Variants in FRMD3 observed in about 807,000 individuals in gnomAD.
FRMD3 encodes FERM domain-containing protein 3.
Under a neutral mutation model 70.2 loss-of-function variants are expected in FRMD3, and 33 were observed. The ratio of observed to expected loss-of-function variants is 0.47; its 90% confidence interval spans 0.36 to 0.63. FRMD3 has a LOEUF of 0.63. Ranked by LOEUF, FRMD3 falls within the 20% of genes least tolerant of loss-of-function variation. FRMD3 has a pLI of 0.00. For synonymous variants in FRMD3, 279 were observed against 255.9 expected (o/e 1.09, Z -0.86); for missense variants, 632 against 711.4 (o/e 0.89, Z 1.27).
the FRMD3 span, among the ~76,000 whole-genome samples, chr9:83,578,761 C>T: frequency 7.9e-5 from 12 of 151,868 alleles, no homozygotes; most frequent in Non-Finnish European, 1.6e-4. Flanking sequence ...TCAGGGACAA[C>T]ACAGGGATGC....
chr9:83,316,666 G>A (rs1323959246), intron 6 of FRMD3, among the ~76,000 whole-genome samples: 2 of 152,070 alleles, frequency 1.3e-5, no homozygotes, highest in African/African-American at 2.4e-5. Context: ...GGGCACTTTC[G>A]ATCCAGCAAT....
intron 1 of FRMD3, among the ~76,000 whole-genome samples, chr9:83,530,262 A>C (rs1268426284): frequency 1.3e-5 from 2 of 152,212 alleles, no homozygotes; most frequent in Admixed American, 6.5e-5. Context: ...GGATCAACAA[A>C]ATGTGATATA....
intron 12 of FRMD3, 133 bp downstream of exon 12, chr9:83,298,615 C>G: frequency 1.4e-6 from 1 of 693,376 alleles, no homozygotes. Flanking sequence ...GCAAATCTGT[C>G]TGAGTGAGAT....
chr9:83,450,198 T>TGC (rs778230918), intron 1 of FRMD3, among the ~76,000 whole-genome samples: 74 of 136,424 alleles, frequency 5.4e-4, no homozygotes, highest in Admixed American at 5.9e-4. Flanking sequence ...TGTGTGTGTG[T>TGC]GCACCCGTGC....
intron 1 of FRMD3, among the ~76,000 whole-genome samples, chr9:83,447,052 C>G (rs1206456436): frequency 6.6e-6 from 1 of 151,372 alleles, no homozygotes; most frequent in Non-Finnish European, 1.5e-5. Flanking sequence ...GAGACAGAGT[C>G]TTGCCTTGTC....
At chr9:83,400,754 A>G (rs555721289) in intron 1 of FRMD3, among the ~76,000 whole-genome samples, 1 of 152,368 alleles carries the variant, frequency 6.6e-6, no homozygotes, top group African/African-American at 2.4e-5. Flanking sequence ...CTGATTTCTG[A>G]CAAAAAGTCC....
intron 2 of FRMD3, among the ~76,000 whole-genome samples, chr9:83,378,612 A>G (rs1340074551): frequency 7.6e-6 from 1 of 132,170 alleles, no homozygotes; most frequent in Non-Finnish European, 1.6e-5. Context: ...TAAAATTTAT[A>G]TATATTATAC....
chr9:83,340,607 A>C (rs1219484058), intron 5 of FRMD3, among the ~76,000 whole-genome samples: 3 of 152,260 alleles, frequency 2.0e-5, no homozygotes, highest in Non-Finnish European at 4.4e-5. Flanking sequence ...TAAAAGGAAC[A>C]GGAAAGATAT....
intron 13 of FRMD3, among the ~76,000 whole-genome samples, chr9:83,269,149 C>T (rs1334615111): frequency 6.6e-6 from 1 of 152,188 alleles, no homozygotes; most frequent in African/African-American, 2.4e-5. Context: ...TTAACCGGGG[C>T]TCATTTGCAT....
chr9:83,355,560 T>C (rs948077356), intron 3 of FRMD3, among the ~76,000 whole-genome samples: 2 of 152,204 alleles, frequency 1.3e-5, no homozygotes, highest in Admixed American at 1.3e-4. Flanking sequence ...TAATTTCTCT[T>C]TCCTGCTCTG....
At chr9:83,512,969 G>A (rs1419823001) in intron 1 of FRMD3, among the ~76,000 whole-genome samples, 1 of 152,158 alleles carries the variant, frequency 6.6e-6, no homozygotes, top group Non-Finnish European at 1.5e-5. Flanking sequence ...GAAATAAAAT[G>A]ACACGATGAA....
chr9:83,326,921 A>G (rs1313461316), intron 6 of FRMD3, among the ~76,000 whole-genome samples: 1 of 152,200 alleles, frequency 6.6e-6, no homozygotes. Context: ...AGTTTTGAGT[A>G]CTTTTAGACA....
intron 1 of FRMD3, among the ~76,000 whole-genome samples, chr9:83,415,126 G>A (rs542705182): frequency 6.6e-6 from 1 of 152,308 alleles, no homozygotes; most frequent in Admixed American, 6.5e-5. Flanking sequence ...TCAGCCTGAG[G>A]CAACCTCACA....
chr9:83,518,152 G>A lies in FRMD3; in HGVS notation c.147+19933C>T, dbSNP rs560110790. On this transcript the variant is annotated intron_variant, in intron 1 of 13. Transcript: ENST00000304195. ...AGTTCTGGCCAGGGCAATCAGGCAA[G>A]AGAAAGAAATAAAGCATGTTCAAAT... Among the ~76,000 whole-genome samples the A allele has an allele frequency of 3.3e-5, 5 of 152,310 alleles. No individual in the cohort carries two copies. In the East Asian group the frequency reaches 9.6e-4, roughly 29 times the overall value.
chr9:83,246,874 A>G lies in FRMD3; in HGVS notation c.*1044T>C, dbSNP rs1426249114. 2.0e-6 allele frequency: 2 copies of G among 985,278 alleles called. No individual in the cohort carries two copies. Among genetic ancestry groups the G allele is most frequent in the Non-Finnish European group, 2.4e-6 (2 of 829,922 alleles). 61.0% of individuals were successfully genotyped at this position (985,278 alleles called of 1,614,324 possible). A position where few individuals can be genotyped will look rare whatever the true frequency, so the allele number is the denominator to read the frequency against. On this transcript the variant is annotated 3_prime_UTR_variant, in exon 14 of 14. Transcript: ENST00000304195. Reference sequence around the variant, plus strand: ...GAACGCTGGCATCACCATCACTTTCATAAAATAGACCATTCGCCTGTCACC... The same window carrying G: ...GAACGCTGGCATCACCATCACTTTCGTAAAATAGACCATTCGCCTGTCACC...
intron 1 of FRMD3, among the ~76,000 whole-genome samples, chr9:83,395,127 A>G (rs1205846239): frequency 6.6e-6 from 1 of 152,176 alleles, no homozygotes; most frequent in African/African-American, 2.4e-5. Flanking sequence ...TGTAAACTGC[A>G]AAGTATTATA....
rs373423101 is a variant in FRMD3 at position 83,323,647 on chromosome 9, C to T, written c.597-9900G>A. Among the ~76,000 whole-genome samples the T allele has an allele frequency of 3.7e-4, 56 of 152,288 alleles. 1 individual carries two copies. In the South Asian group the frequency reaches 9.9e-3, roughly 27 times the overall value. On this transcript the variant is annotated intron_variant, in intron 6 of 13. Transcript: ENST00000304195. The stretch of plus-strand genomic sequence containing the variant: ...ATGCAGTCCCCAGACCTTAAACTTC[C>T]ACGCCTCCAGAACTGTAAAAAATAA...
intron 1 of FRMD3, among the ~76,000 whole-genome samples, chr9:83,447,505 C>T (rs888347291): frequency 1.3e-5 from 2 of 152,194 alleles, no homozygotes; most frequent in Non-Finnish European, 2.9e-5. Context: ...AGGCTGGATG[C>T]GGGCCAGCCG....
chr9:83,494,062 A>G (rs557916726), intron 1 of FRMD3, among the ~76,000 whole-genome samples: 9 of 152,306 alleles, frequency 5.9e-5, no homozygotes, highest in African/African-American at 2.2e-4. Context: ...CCAAATAGCC[A>G]CTATCCTAGC....
Sources: gnomAD v4.1 joint callset for allele counts (sites outside exome capture counted in the v4.1 genomes callset) on GRCh38, gnomAD v4.1.1 for gene constraint, MANE v1.5 for transcripts, NCBI Gene and HGNC (gene_info 2026-07-23, HGNC 2026-07-21) for gene names.